The following PXK variants were observed in gnomAD, a reference collection of about 807,000 sequenced individuals.
PXK encodes PX domain-containing protein kinase-like protein.
In PXK, 35 loss-of-function variants were observed where a neutral mutation model predicts 84.7. The observed-to-expected ratio is 0.41, with a 90% confidence interval of 0.32 to 0.55. PXK has a LOEUF of 0.55. Among genes scored for constraint, PXK ranks in the 20% least tolerant of loss-of-function variants. The pLI is 0.21. For missense variants in PXK, 634 were observed against 699.7 expected (o/e 0.91, Z 1.06); for synonymous variants, 253 against 260.8 (o/e 0.97, Z 0.29).
At chr3:58,423,288 A>T in intron 17 of PXK, 1 of 969,980 alleles carries the variant, frequency 1.0e-6, no homozygotes, top group Non-Finnish European at 1.2e-6. Flanking sequence ...ACATTTTCCC[A>T]CAATCCACCT....
At chr3:58,373,456 T>C (rs559219952) in intron 3 of PXK, among the ~76,000 whole-genome samples, 5 of 152,320 alleles carry the variant, frequency 3.3e-5, no homozygotes, top group East Asian at 3.9e-4. Context: ...AGGTCTCTTA[T>C]AGCACAAATG....
At chr3:58,351,735 G>A (rs560189773) in intron 1 of PXK, among the ~76,000 whole-genome samples, 2 of 152,184 alleles carry the variant, frequency 1.3e-5, no homozygotes, top group South Asian at 2.1e-4. Flanking sequence ...GGACAACAGA[G>A]GCTGGAGTCA....
chr3:58,401,143 A>G lies in PXK; in HGVS notation c.1181+1766A>G, dbSNP rs546301898. On this transcript the variant is annotated intron_variant, in intron 12 of 17. Coordinates refer to ENST00000356151, the MANE Select transcript of PXK (RefSeq NM_017771.5). The surrounding 1 kb of genome is among the most constrained non-coding windows in gnomAD (Gnocchi z 4.4). ...TTTTTTTCTTCACCTAAGTCTTTCT[A>G]CGATGTGGGCTTCAGCTATGAGAAG... Among the ~76,000 whole-genome samples, 2 of 152,260 alleles carry G rather than the reference A, an allele frequency of 1.3e-5. No homozygotes were observed. Among genetic ancestry groups the G allele is most frequent in the East Asian group, 3.9e-4 (2 of 5,186 alleles).
At position 58,370,208 on chromosome 3, in the gene PXK, G is replaced by T. The variant is rs2098344342; in HGVS notation, c.201+730G>T. On this transcript the variant is annotated intron_variant, in intron 3 of 17. Coordinates refer to ENST00000356151, the MANE Select transcript of PXK (RefSeq NM_017771.5). This position sits in a 1 kb window ranked among gnomAD's most constrained non-coding sequence, Gnocchi z 4.2. ...TAACTGAGAGTCTCAACCTTTTTCTGTTTAACTTTTTTATCCTAAATATGT... is the reference window on the plus strand; with the variant it reads ...TAACTGAGAGTCTCAACCTTTTTCTTTTTAACTTTTTTATCCTAAATATGT... Among the ~76,000 whole-genome samples the T allele has an allele frequency of 6.6e-6, 1 of 152,118 alleles. No homozygotes were observed. Among genetic ancestry groups the T allele is most frequent in the Non-Finnish European group, 1.5e-5 (1 of 68,016 alleles).
intron 17 of PXK, chr3:58,422,002 A>G: frequency 3.0e-6 from 3 of 985,254 alleles, no homozygotes; most frequent in Non-Finnish European, 3.6e-6. Flanking sequence ...AGGGGTGGAG[A>G]GCGCGCAGGC....
At chr3:58,378,978 A>C (rs893300253) in intron 3 of PXK, among the ~76,000 whole-genome samples, 1 of 151,904 alleles carries the variant, frequency 6.6e-6, no homozygotes, top group East Asian at 1.9e-4. Context: ...GCTGGAGGGC[A>C]GTGGTGCAAT....
At chr3:58,371,705 T>G (rs1471421244) in intron 3 of PXK, among the ~76,000 whole-genome samples, 2 of 152,246 alleles carry the variant, frequency 1.3e-5, no homozygotes, top group Non-Finnish European at 2.9e-5. Context: ...TAGTGAATTT[T>G]ATGCTTGCTT....
At chr3:58,363,835 A>G (rs916978899) in intron 1 of PXK, among the ~76,000 whole-genome samples, 1 of 152,160 alleles carries the variant, frequency 6.6e-6, no homozygotes, top group African/African-American at 2.4e-5. Context: ...TTAGGGGAAA[A>G]TACTGAGTCT....
Position 58,397,670 on chromosome 3 carries a change from G to A in PXK, c.1050G>A (p.Pro350=), listed in dbSNP as rs892970556. Residue 350 remains proline (P), a synonymous_variant, in exon 11 of 18, where the codon CCG becomes CCA. Transcript: ENST00000356151. The surrounding 1 kb of genome is among the most constrained non-coding windows in gnomAD (Gnocchi z 4.7). The part of the protein sequence containing the change: ...HLLYEMTYGR[P]PDSVPVDSFP... Reference sequence around the variant, plus strand: ...TGTATGAAATGACTTATGGACGACCGCCAGACTCGGTGCCTGTGGACTCCT... The same window carrying A: ...TGTATGAAATGACTTATGGACGACCACCAGACTCGGTGCCTGTGGACTCCT... The A allele has an allele frequency of 6.8e-6, 11 of 1,614,044 alleles. No individual in the cohort carries two copies. The highest frequency in any genetic ancestry group is 6.7e-5 in the African/African-American group (5 of 75,000).
chr3:58,339,762 A>G (rs868689280), intron 1 of PXK, among the ~76,000 whole-genome samples: 8 of 152,128 alleles, frequency 5.3e-5, no homozygotes, highest in East Asian at 1.9e-4. Flanking sequence ...AGAGCCACCC[A>G]TGGGTACTTA....
intron 1 of PXK, among the ~76,000 whole-genome samples, chr3:58,349,954 T>C (rs947424216): frequency 2.6e-5 from 4 of 152,190 alleles, no homozygotes; most frequent in Admixed American, 6.5e-5. Flanking sequence ...TCCCAGAGCC[T>C]CTGTGGTTTT....
rs1030646961 is a variant in PXK at position 58,367,044 on chromosome 3, T to C, written c.153+1120T>C. The stretch of plus-strand genomic sequence containing the variant: ...CCTTGGTGCAGTTTTCTAGATCCAT[T>C]GCATTAGAAACCCAGGAGTACTCAA... On this transcript the variant is annotated intron_variant, in intron 2 of 17. Coordinates refer to ENST00000356151, the MANE Select transcript of PXK (RefSeq NM_017771.5). Among the ~76,000 whole-genome samples the C allele has an allele frequency of 2.6e-5, 4 of 152,140 alleles. No homozygotes were observed. The East Asian group carries it at 5.8e-4, about 22-fold the overall frequency.
chr3:58,362,892 A>T (rs1421700348), intron 1 of PXK, among the ~76,000 whole-genome samples: 1 of 151,954 alleles, frequency 6.6e-6, no homozygotes, highest in Non-Finnish European at 1.5e-5. Flanking sequence ...TAATTTTTTT[A>T]TATTTTGTAG....
chr3:58,332,958 TC>T lies in PXK; in HGVS notation c.-28del. ...CGGCGCCTCGGGTTCCTACCTCGCGTCCCTAGGCGGCGGCGGCCGGGCGTCC... is the reference window on the plus strand; with the variant it reads ...CGGCGCCTCGGGTTCCTACCTCGCGTCCTAGGCGGCGGCGGCCGGGCGTCC... On this transcript the variant is annotated 5_prime_UTR_variant, in exon 1 of 18. Coordinates refer to ENST00000356151, the MANE Select transcript of PXK (RefSeq NM_017771.5). This position sits in a 1 kb window ranked among gnomAD's most constrained non-coding sequence, Gnocchi z 5.6. 1 of 1,324,820 alleles carries T rather than the reference TC, an allele frequency of 7.5e-7. No homozygotes were observed. Among genetic ancestry groups the T allele is most frequent in the Non-Finnish European group, 9.8e-7 (1 of 1,019,212 alleles). The allele number at this position is 1,324,820 out of a possible 1,614,324, so 82.1% of individuals were successfully genotyped here.
rs913984915 is a variant in PXK, at chr3:58,379,812, G to T, written c.202-2702G>T. Among the ~76,000 whole-genome samples, 2 of 152,088 alleles carry T rather than the reference G, an allele frequency of 1.3e-5. No homozygotes were observed. The highest frequency in any genetic ancestry group is 2.9e-5 in the Non-Finnish European group (2 of 68,014). ...AAAGAAAAGCGAAATACAAAAATTA[G>T]TCGGGCATGGTGGTGCACATCTGTA... On this transcript the variant is annotated intron_variant, in intron 3 of 17. Transcript: ENST00000356151. The surrounding 1 kb of genome is among the most constrained non-coding windows in gnomAD (Gnocchi z 5.1).
intron 17 of PXK, among the ~76,000 whole-genome samples, chr3:58,420,344 T>G (rs1242358094): frequency 6.6e-6 from 1 of 152,232 alleles, no homozygotes; most frequent in African/African-American, 2.4e-5. Context: ...TTGCCATGTT[T>G]TAAAAGGCTC....
At chr3:58,348,004 C>T (rs754920323) in intron 1 of PXK, among the ~76,000 whole-genome samples, 14 of 152,106 alleles carry the variant, frequency 9.2e-5, no homozygotes, top group Non-Finnish European at 1.9e-4. Flanking sequence ...ACCTTCACCT[C>T]CCGGGTTCAA....
In PXK at chr3:58,370,207, T is replaced by C. The variant is rs978517338; in HGVS notation, c.201+729T>C. Among the ~76,000 whole-genome samples, 2 of 152,220 alleles carry C rather than the reference T, an allele frequency of 1.3e-5. No homozygotes were observed. The highest frequency in any genetic ancestry group is 4.8e-5 in the African/African-American group (2 of 41,462). ...GTAACTGAGAGTCTCAACCTTTTTC[T>C]GTTTAACTTTTTTATCCTAAATATG... On this transcript the variant is annotated intron_variant, in intron 3 of 17. Coordinates refer to ENST00000356151, the MANE Select transcript of PXK (RefSeq NM_017771.5). This position sits in a 1 kb window ranked among gnomAD's most constrained non-coding sequence, Gnocchi z 4.2.
At chr3:58,340,822 C>T (rs1487433885) in intron 1 of PXK, among the ~76,000 whole-genome samples, 2 of 152,060 alleles carry the variant, frequency 1.3e-5, no homozygotes, top group Non-Finnish European at 2.9e-5. Context: ...TCTTTTTAGG[C>T]TGCTAGAGAT....
Sources: allele counts gnomAD v4.1 joint callset (sites outside exome capture counted in the v4.1 genomes callset), GRCh38; gene constraint gnomAD v4.1.1; non-coding constraint Gnocchi (gnomAD v3.1); transcripts MANE v1.5; gene names NCBI Gene and HGNC (gene_info 2026-07-23, HGNC 2026-07-21).